The following E2F5 variants were observed in gnomAD, a reference collection of about 807,000 sequenced individuals.
The protein encoded by E2F5 is transcription factor E2F5.
E2F5 carries 23 observed loss-of-function variants against 39.1 expected under a neutral mutation model. That is an observed-to-expected ratio of 0.59 (90% CI 0.42 to 0.83). The LOEUF is 0.83. E2F5 is among the 40% of genes least tolerant of loss of function. The pLI, the probability that E2F5 is intolerant of heterozygous loss-of-function variation, is 0.00. For synonymous variants in E2F5, 145 were observed against 157.8 expected (o/e 0.92, Z 0.61); for missense variants, 365 against 406.7 (o/e 0.90, Z 0.88).
At chr8:85,205,240 CTT>C (rs113241527) in intron 3 of E2F5, among the ~76,000 whole-genome samples, 1 of 144,692 alleles carries the variant, frequency 6.9e-6, no homozygotes, top group Non-Finnish European at 1.5e-5. Context: ...CCCCACCCTG[CTT>C]TTTTTTTTTT....
At chr8:85,178,591 C>T (rs918073755) in intron 1 of E2F5, among the ~76,000 whole-genome samples, 1 of 152,236 alleles carries the variant, frequency 6.6e-6, no homozygotes, top group African/African-American at 2.4e-5. Context: ...AAAACACTAA[C>T]TGCCCAATAA....
chr8:85,190,124 C>T (rs1441903097), intron 1 of E2F5, among the ~76,000 whole-genome samples: 1 of 152,216 alleles, frequency 6.6e-6, no homozygotes, highest in Non-Finnish European at 1.5e-5. Context: ...TGCACTCCCT[C>T]TTAGATGACT....
chr8:85,209,366 A>C lies in E2F5; in HGVS notation c.840A>C (p.Arg280Ser), dbSNP rs950621008. The change falls in exon 6 of 8, where the codon AGA becomes AGC. Residue 280 changes from arginine to serine, a missense_variant. Physicochemically the swap from Arg to Ser is moderately radical, Grantham distance 110. Coordinates refer to ENST00000416274, the MANE Select transcript of E2F5 (RefSeq NM_001951.4). ...QNLPEQHVSE[R>S]SQALQQTSAT... ...TGCCTGAGCAACATGTCTCTGAAAGAAGCCAGGCTCTGCAGCAGACATCAG... is the reference window on the plus strand; with the variant it reads ...TGCCTGAGCAACATGTCTCTGAAAGCAGCCAGGCTCTGCAGCAGACATCAG... The C allele has an allele frequency of 4.3e-6, 7 of 1,613,698 alleles. No individual in the cohort carries two copies. Among genetic ancestry groups the C allele is most frequent in the Non-Finnish European group, 5.9e-6 (7 of 1,179,742 alleles).
In E2F5 at chr8:85,202,191, T is replaced by C. The variant is rs1446606070; in HGVS notation, c.279T>C (p.Asp93=). 2 of 1,613,134 alleles carry C rather than the reference T, an allele frequency of 1.2e-6. No homozygotes were observed. The highest frequency in any genetic ancestry group is 3.3e-5 in the Admixed American group (2 of 59,894). ...TGAGGCAAAAAAGGAGAATTTATGA[T>C]ATCACCAATGTCTTAGAGGGAATTG... The part of the protein sequence containing the change: ...LAVRQKRRIY[D]ITNVLEGIDL... Residue 93 remains aspartate (D), a synonymous_variant, in exon 2 of 8, where the codon GAT becomes GAC. Coordinates refer to ENST00000416274, the MANE Select transcript of E2F5 (RefSeq NM_001951.4).
chr8:85,178,700 G>A (rs1444531507), intron 1 of E2F5, among the ~76,000 whole-genome samples: 1 of 152,214 alleles, frequency 6.6e-6, no homozygotes, highest in Non-Finnish European at 1.5e-5. Context: ...TGGCTTGAGA[G>A]TGTCACTGCA....
chr8:85,180,589 T>TG (rs1812190254), intron 1 of E2F5, among the ~76,000 whole-genome samples: 1 of 130,986 alleles, frequency 7.6e-6, no homozygotes, highest in African/African-American at 2.9e-5. Flanking sequence ...TTTTTTTTTT[T>TG]TTTTTTGAGA....
At chr8:85,191,733 T>A (rs1435040083) in intron 1 of E2F5, among the ~76,000 whole-genome samples, 1 of 152,218 alleles carries the variant, frequency 6.6e-6, no homozygotes, top group Non-Finnish European at 1.5e-5. Context: ...GGTTTTTGCC[T>A]TACTATCCTT....
chr8:85,213,546 A>AAAAAAG (rs1405994649), intron 7 of E2F5: 5 of 257,388 alleles, frequency 1.9e-5, no homozygotes, highest in Non-Finnish European at 3.7e-5. Flanking sequence ...CCATCTTAAA[A>AAAAAAG]AAAAAAAAAA....
chr8:85,204,404 C>T (rs4150945), intron 3 of E2F5, among the ~76,000 whole-genome samples: 5 of 151,160 alleles, frequency 3.3e-5, no homozygotes, highest in African/African-American at 9.7e-5. Flanking sequence ...TCATGGATGA[C>T]GCTGGAAACC....
At chr8:85,203,376 CATTTTA>C (rs1812733835) in intron 3 of E2F5, 121 bp downstream of exon 3, 2 of 732,970 alleles carry the variant, frequency 2.7e-6, no homozygotes, top group South Asian at 5.2e-5. Context: ...GTAAATATGA[CATTTTA>C]ATTTTATTAT....
chr8:85,213,692 T>C lies in E2F5; in HGVS notation c.932-61T>C, dbSNP rs548657448. 307 of 853,496 alleles carry C rather than the reference T, an allele frequency of 3.6e-4. 4 individuals carry two copies. In the South Asian group the frequency reaches 4.3e-3, roughly 12 times the overall value. The allele number at this position is 853,496 out of a possible 1,614,324, so 52.9% of individuals were successfully genotyped here. ...AATGATGTATTTGAGAGTATTTTGT[T>C]AAAGATCATTAACCGTATGTAGAAA... On this transcript the variant is annotated intron_variant, in intron 7 of 7. Coordinates refer to ENST00000416274, the MANE Select transcript of E2F5 (RefSeq NM_001951.4).
intron 6 of E2F5, 59 bp downstream of exon 6, chr8:85,209,468 C>G: frequency 6.6e-7 from 1 of 1,505,910 alleles, no homozygotes; most frequent in South Asian, 1.3e-5. Flanking sequence ...AACAGGTTGG[C>G]TCTCTTATCC....
chr8:85,198,638 AC>A (rs1812630136), intron 1 of E2F5, among the ~76,000 whole-genome samples: 1 of 152,136 alleles, frequency 6.6e-6, no homozygotes. Context: ...GGATTCCAAG[AC>A]CCCACACTTT....
At chr8:85,211,066 G>C (rs1269172603) in intron 6 of E2F5, among the ~76,000 whole-genome samples, 2 of 152,062 alleles carry the variant, frequency 1.3e-5, no homozygotes, top group Non-Finnish European at 2.9e-5. Context: ...GATGTTTGCA[G>C]TTATGCAACT....
chr8:85,177,478 G>T lies in E2F5; in HGVS notation c.58G>T (p.Gly20Cys). ...GQQAPAGQGQ[G>C]QRPPPQPPQA... ...GCAGGCGCCGGCAGGGCAGGGGCAGGGCCAGCGGCCGCCGCCGCAGCCTCC... is the reference window on the plus strand; with the variant it reads ...GCAGGCGCCGGCAGGGCAGGGGCAGTGCCAGCGGCCGCCGCCGCAGCCTCC... The change falls in exon 1 of 8, where the codon GGC becomes TGC. Residue 20 changes from glycine to cysteine, a missense_variant. Gly to Cys is a radical substitution (Grantham distance 159). Transcript: ENST00000416274. 3.9e-6 allele frequency: 4 copies of T among 1,018,746 alleles called. No individual in the cohort carries two copies. The highest frequency in any genetic ancestry group is 4.7e-6 in the Non-Finnish European group (4 of 853,812). 63.1% of individuals were successfully genotyped at this position (1,018,746 alleles called of 1,614,324 possible).
rs778502937 is a variant in E2F5, at chr8:85,203,275, A to T, written c.506+20A>T. 1 of 1,554,192 alleles carries T rather than the reference A, an allele frequency of 6.4e-7. No homozygotes were observed. Among genetic ancestry groups the T allele is most frequent in the South Asian group, 1.3e-5 (1 of 78,106 alleles). ...TAATAGATATCCTTTTAAATAAGTT[A>T]TGCATATACATATAGCTTTGGAATA... On this transcript the variant is annotated intron_variant, in intron 3 of 7. Coordinates refer to ENST00000416274, the MANE Select transcript of E2F5 (RefSeq NM_001951.4).
At chr8:85,188,472 T>A (rs1489695036) in intron 1 of E2F5, among the ~76,000 whole-genome samples, 3 of 152,210 alleles carry the variant, frequency 2.0e-5, no homozygotes, top group Non-Finnish European at 4.4e-5. Flanking sequence ...TTTGGTATTC[T>A]TGGCTGGCAG....
At chr8:85,182,901 A>G (rs4150848) in intron 1 of E2F5, among the ~76,000 whole-genome samples, 10 of 152,170 alleles carry the variant, frequency 6.6e-5, no homozygotes, top group Admixed American at 3.3e-4. Context: ...CAGGTCCCTG[A>G]TGCATACCCG....
At chr8:85,206,153 G>A (rs765312762) in intron 3 of E2F5, 24 bp from the exon 4 acceptor site, 39 of 1,609,350 alleles carry the variant, frequency 2.4e-5, no homozygotes, top group East Asian at 4.5e-5. Context: ...TATAAATGTC[G>A]TTCCTTAACT....
Sources: allele counts gnomAD v4.1 joint callset (sites outside exome capture counted in the v4.1 genomes callset), GRCh38; gene constraint gnomAD v4.1.1; transcripts MANE v1.5; gene names NCBI Gene and HGNC (gene_info 2026-07-23, HGNC 2026-07-21).